Variants in PPARGC1B observed in about 807,000 individuals in gnomAD.
The protein encoded by PPARGC1B is peroxisome proliferator-activated receptor gamma coactivator 1-beta.
PPARGC1B carries 34 observed loss-of-function variants against 101.6 expected under a neutral mutation model. The ratio of observed to expected loss-of-function variants is 0.33; its 90% CI spans 0.25 to 0.45. The LOEUF is 0.45. PPARGC1B is among the 20% of genes least tolerant of loss of function. PPARGC1B has a pLI of 1.00. For synonymous variants in PPARGC1B, 548 were observed against 539.3 expected, an observed-to-expected ratio of 1.02 and a Z score of -0.22; for missense variants, 1,234 against 1,317.6, an observed-to-expected ratio of 0.94 and a Z score of 0.98.
At chr5:149,736,858 G>A (rs751170544) in intron 1 of PPARGC1B, among the ~76,000 whole-genome samples, 1 of 151,818 alleles carries the variant, frequency 6.6e-6, no homozygotes, top group African/African-American at 2.4e-5. Context: ...AACATGCATA[G>A]CCTCCCCCAT....
chr5:149,778,675 C>G (rs961472818), intron 1 of PPARGC1B, among the ~76,000 whole-genome samples: 3 of 152,142 alleles, frequency 2.0e-5, no homozygotes, highest in African/African-American at 7.2e-5. Flanking sequence ...AAGGCTCACC[C>G]CTCCTGCAAG....
At chr5:149,772,687 C>A (rs1363118668) in intron 1 of PPARGC1B, among the ~76,000 whole-genome samples, 2 of 152,138 alleles carry the variant, frequency 1.3e-5, no homozygotes, top group African/African-American at 4.8e-5. Flanking sequence ...ATTGTCGTGA[C>A]CTAATTTTAA....
At chr5:149,755,413 C>CT (rs1755481032) in intron 1 of PPARGC1B, among the ~76,000 whole-genome samples, 1 of 151,800 alleles carries the variant, frequency 6.6e-6, no homozygotes, top group African/African-American at 2.4e-5. Context: ...AGTGCCAACT[C>CT]TTTCATGGGT....
intron 1 of PPARGC1B, among the ~76,000 whole-genome samples, chr5:149,797,785 G>A (rs1193506214): frequency 6.6e-6 from 1 of 152,128 alleles, no homozygotes; most frequent in Non-Finnish European, 1.5e-5. Context: ...GCTGGGTGTG[G>A]TGGCGTGTGC....
chr5:149,847,790 A>C lies in PPARGC1B; in HGVS notation c.*232A>C, dbSNP rs1337033563. 3 of 534,128 alleles carry C rather than the reference A, an allele frequency of 5.6e-6. No homozygotes were observed. The highest frequency in any genetic ancestry group is 1.0e-5 in the Non-Finnish European group (3 of 299,758). The allele number at this position is 534,128 out of a possible 1,614,324, so 33.1% of individuals were successfully genotyped here. A position where few individuals can be genotyped will look rare whatever the true frequency, so the allele number is the denominator to read the frequency against. ...GGTGTTGACGTTCCACTGCCACATT[A>C]GTGTCCTCGCTTCCAACGGGTTGTC... On this transcript the variant is annotated 3_prime_UTR_variant, in exon 12 of 12. Transcript: ENST00000309241.
At chr5:149,827,735 G>A (rs915897592) in intron 3 of PPARGC1B, among the ~76,000 whole-genome samples, 6 of 152,228 alleles carry the variant, frequency 3.9e-5, no homozygotes, top group South Asian at 4.1e-4. Flanking sequence ...GCGGAATGTG[G>A]AAATGTGCAC....
At chr5:149,817,066 C>T (rs1285784126) in intron 1 of PPARGC1B, among the ~76,000 whole-genome samples, 2 of 152,198 alleles carry the variant, frequency 1.3e-5, no homozygotes, top group African/African-American at 4.8e-5. Context: ...GCCTCACTGA[C>T]CTCAACGCCT....
In PPARGC1B at chr5:149,730,854, T is replaced by C. The variant is rs1754429480; in HGVS notation, c.78+434T>C. ...CCCGGCACGGGTGCATGCCCGGGTCTCCGGAGTCCCCTAGTCCTCCAGGCT... is the reference window on the plus strand; with the variant it reads ...CCCGGCACGGGTGCATGCCCGGGTCCCCGGAGTCCCCTAGTCCTCCAGGCT... On this transcript the variant is annotated intron_variant, in intron 1 of 11. Coordinates refer to ENST00000309241, the MANE Select transcript of PPARGC1B (RefSeq NM_133263.4). The surrounding 1 kb of genome is among the most constrained non-coding windows in gnomAD (Gnocchi z 4.0). 6.6e-6 allele frequency among the ~76,000 whole-genome samples: 1 copy of C among 152,192 alleles called. No individual in the cohort carries two copies. The highest frequency in any genetic ancestry group is 1.5e-5 in the Non-Finnish European group (1 of 68,026).
intron 1 of PPARGC1B, among the ~76,000 whole-genome samples, chr5:149,756,058 C>T (rs1755510072): frequency 6.6e-6 from 1 of 151,648 alleles, no homozygotes; most frequent in Non-Finnish European, 1.5e-5. Flanking sequence ...TGTGACTTCA[C>T]CCCTCTGAGG....
chr5:149,838,689 C>G (rs1759211890), intron 8 of PPARGC1B, among the ~76,000 whole-genome samples: 1 of 152,172 alleles, frequency 6.6e-6, no homozygotes, highest in South Asian at 2.1e-4. Flanking sequence ...TCTAGAAACC[C>G]CCATGGATTT....
At chr5:149,817,536 G>T (rs994889092) in intron 1 of PPARGC1B, 55 of 346,202 alleles carry the variant, frequency 1.6e-4, no homozygotes, top group Non-Finnish European at 7.4e-5. Flanking sequence ...TTCCATCAGT[G>T]CACCTTGTTT....
At chr5:149,799,690 G>GTTTT (rs369350284) in intron 1 of PPARGC1B, among the ~76,000 whole-genome samples, 6,211 of 62,812 alleles carry the variant, frequency 0.099, 416 homozygotes, top group East Asian at 0.21. Flanking sequence ...TTTGCTTGTT[G>GTTTT]TTGTTTTTTT....
chr5:149,771,843 T>G (rs928230535), intron 1 of PPARGC1B: 4 of 421,170 alleles, frequency 9.5e-6, no homozygotes, highest in African/African-American at 8.3e-5. Flanking sequence ...TGTAGCATTT[T>G]CAGGTGTCCA....
chr5:149,772,165 A>G, intron 1 of PPARGC1B: 1 of 1,607,988 alleles, frequency 6.2e-7, no homozygotes, highest in Non-Finnish European at 8.5e-7. Flanking sequence ...GAGGTTGTTT[A>G]GGTGGCGTTG....
intron 1 of PPARGC1B, among the ~76,000 whole-genome samples, chr5:149,731,881 C>T (rs1021716296): frequency 3.3e-5 from 5 of 152,098 alleles, no homozygotes; most frequent in African/African-American, 1.2e-4. Context: ...AGGCAGGCCG[C>T]CCCTGGCCCG....
chr5:149,776,113 C>T (rs1756351117), intron 1 of PPARGC1B, among the ~76,000 whole-genome samples: 2 of 152,060 alleles, frequency 1.3e-5, no homozygotes, highest in South Asian at 4.1e-4. Context: ...TCTCTTCATA[C>T]AAGTATGTTT....
At chr5:149,767,408 C>G (rs1279023376) in intron 1 of PPARGC1B, among the ~76,000 whole-genome samples, 1 of 152,162 alleles carries the variant, frequency 6.6e-6, no homozygotes, top group East Asian at 1.9e-4. Flanking sequence ...AGCCTTCTTC[C>G]TGATTTTTTT....
At chr5:149,764,204 A>G (rs949492459) in intron 1 of PPARGC1B, among the ~76,000 whole-genome samples, 2 of 152,222 alleles carry the variant, frequency 1.3e-5, no homozygotes, top group African/African-American at 4.8e-5. Context: ...CACACACCTC[A>G]CAGTCATTGA....
At chr5:149,808,529 T>C (rs1169853825) in intron 1 of PPARGC1B, among the ~76,000 whole-genome samples, 5 of 152,146 alleles carry the variant, frequency 3.3e-5, no homozygotes, top group Non-Finnish European at 7.4e-5. Context: ...TCTTCATTCT[T>C]GACCTTGTAG....
Sources: allele counts gnomAD v4.1 joint callset (sites outside exome capture counted in the v4.1 genomes callset), GRCh38; gene constraint gnomAD v4.1.1; non-coding constraint Gnocchi (gnomAD v3.1); transcripts MANE v1.5; gene names NCBI Gene and HGNC (gene_info 2026-07-23, HGNC 2026-07-21).